Variants in SLC35F3 observed in about 807,000 individuals in gnomAD.
SLC35F3 encodes the protein putative thiamine transporter SLC35F3.
Under a neutral mutation model 49.9 loss-of-function variants are expected in SLC35F3, and 25 were observed. The ratio of observed to expected loss-of-function variants is 0.50; its 90% CI spans 0.37 to 0.70. The LOEUF (loss-of-function observed/expected upper bound fraction) is 0.70. Among genes scored for constraint, SLC35F3 ranks in the 30% least tolerant of loss-of-function variants. The probability of loss-of-function intolerance (pLI) is 0.00; values close to 1 mark genes in which losing one functional copy is unlikely to be tolerated. For synonymous variants in SLC35F3, 275 were observed against 265.4 expected, an observed-to-expected ratio of 1.04 and a Z score of -0.35; for missense variants, 525 against 639.8, an observed-to-expected ratio of 0.82 and a Z score of 1.94.
chr1:234,194,757 G>A (rs549682764), intron 2 of SLC35F3, among the ~76,000 whole-genome samples: 1 of 152,160 alleles, frequency 6.6e-6, no homozygotes, highest in South Asian at 2.1e-4. Flanking sequence ...AGTGATATTG[G>A]AGGAGGTGAT....
At chr1:234,157,648 C>T (rs1363670923) in intron 2 of SLC35F3, among the ~76,000 whole-genome samples, 1 of 152,164 alleles carries the variant, frequency 6.6e-6, no homozygotes, top group African/African-American at 2.4e-5. Flanking sequence ...TGGCGGGGCC[C>T]ATTTCCTTTG....
chr1:234,171,762 T>G (rs745768992), intron 2 of SLC35F3, among the ~76,000 whole-genome samples: 1 of 152,166 alleles, frequency 6.6e-6, no homozygotes, highest in African/African-American at 2.4e-5. Context: ...TCTATATTAC[T>G]GTAGAATAAC....
At chr1:233,924,195 AT>A (rs1251560230) in intron 2 of SLC35F3, among the ~76,000 whole-genome samples, 1 of 152,028 alleles carries the variant, frequency 6.6e-6, no homozygotes, top group Non-Finnish European at 1.5e-5. Flanking sequence ...TTTTCTGTTG[AT>A]TGGAATAGTT....
In SLC35F3 at chr1:234,106,566, G is replaced by C. The variant is rs553544932; in HGVS notation, c.284-124851G>C. ...CCATGCACACACAGAGCCAGCTCTA[G>C]TGTCTTCCTCTTTTTATAAGAACAC... On this transcript the variant is annotated intron_variant, in intron 2 of 7. Transcript: ENST00000366618. Among the ~76,000 whole-genome samples the C allele has an allele frequency of 8.7e-4, 132 of 152,338 alleles. 4 individuals are homozygous for C. In the South Asian group the frequency reaches 0.027, roughly 32 times the overall value.
intron 2 of SLC35F3, among the ~76,000 whole-genome samples, chr1:234,014,786 G>A (rs563848508): frequency 1.3e-5 from 2 of 152,220 alleles, no homozygotes; most frequent in East Asian, 1.9e-4. Flanking sequence ...TGAAAGATCT[G>A]TACGTTGAAA....
At chr1:234,060,160 G>T (rs1326630171) in intron 2 of SLC35F3, among the ~76,000 whole-genome samples, 1 of 152,170 alleles carries the variant, frequency 6.6e-6, no homozygotes, top group Non-Finnish European at 1.5e-5. Flanking sequence ...CTAGCTTGTG[G>T]TCTGTCCTGG....
chr1:233,920,839 A>C (rs988668711), intron 2 of SLC35F3, among the ~76,000 whole-genome samples: 3 of 151,578 alleles, frequency 2.0e-5, no homozygotes, highest in African/African-American at 7.4e-5. Flanking sequence ...CCTCTGACCA[A>C]GAGCCAGCAA....
intron 2 of SLC35F3, among the ~76,000 whole-genome samples, chr1:234,196,170 A>T (rs958157437): frequency 6.6e-6 from 1 of 152,168 alleles, no homozygotes; most frequent in Non-Finnish European, 1.5e-5. Context: ...ATGTTAATTT[A>T]CCATTGCCAT....
chr1:234,147,498 G>T (rs1447285767), intron 2 of SLC35F3, among the ~76,000 whole-genome samples: 3 of 151,970 alleles, frequency 2.0e-5, no homozygotes, highest in African/African-American at 7.3e-5. Context: ...TAATATCTCT[G>T]CTTTGGATGG....
chr1:234,245,065 C>T (rs1473489118), intron 3 of SLC35F3, among the ~76,000 whole-genome samples: 3 of 152,114 alleles, frequency 2.0e-5, no homozygotes, highest in Non-Finnish European at 4.4e-5. Flanking sequence ...CTCTTTTCTT[C>T]TATCTAACTG....
At chr1:234,101,918 G>A (rs771331350) in intron 2 of SLC35F3, among the ~76,000 whole-genome samples, 43 of 152,206 alleles carry the variant, frequency 2.8e-4, no homozygotes, top group Non-Finnish European at 5.4e-4. Flanking sequence ...TAGGCCACAG[G>A]CATGTTCTGC....
At chr1:234,226,926 G>T (rs958798466) in intron 2 of SLC35F3, among the ~76,000 whole-genome samples, 2 of 150,824 alleles carry the variant, frequency 1.3e-5, no homozygotes, top group Non-Finnish European at 2.9e-5. Context: ...GTGCACAAAA[G>T]AACACTCCCC....
intron 3 of SLC35F3, among the ~76,000 whole-genome samples, chr1:234,275,460 C>A (rs990784728): frequency 6.6e-6 from 1 of 152,106 alleles, no homozygotes; most frequent in Non-Finnish European, 1.5e-5. Context: ...TTTTATGTCA[C>A]CCCTAGTTAA....
At chr1:234,062,874 A>G (rs1322142184) in intron 2 of SLC35F3, among the ~76,000 whole-genome samples, 1 of 139,408 alleles carries the variant, frequency 7.2e-6, no homozygotes, top group South Asian at 2.3e-4. Context: ...TATTTTTAGT[A>G]GAGACGTGGT....
chr1:234,315,269 A>C (rs1558108241), intron 4 of SLC35F3, among the ~76,000 whole-genome samples: 1 of 152,244 alleles, frequency 6.6e-6, no homozygotes, highest in South Asian at 2.1e-4. Context: ...GGTATAACCT[A>C]AGAGAAGTAC....
At chr1:234,310,761 G>A (rs1657333227) in intron 4 of SLC35F3, among the ~76,000 whole-genome samples, 1 of 152,218 alleles carries the variant, frequency 6.6e-6, no homozygotes, top group Non-Finnish European at 1.5e-5. Flanking sequence ...GGGAAGAGAA[G>A]CTTCAAGGTT....
At chr1:234,277,920 G>A (rs140286681) in intron 3 of SLC35F3, among the ~76,000 whole-genome samples, 44 of 152,350 alleles carry the variant, frequency 2.9e-4, no homozygotes, top group African/African-American at 8.7e-4. Context: ...ACAGCTGGGC[G>A]CGGTGGCTCA....
intron 2 of SLC35F3, among the ~76,000 whole-genome samples, chr1:233,912,145 A>C (rs1204760799): frequency 1.3e-5 from 2 of 152,176 alleles, no homozygotes; most frequent in Non-Finnish European, 2.9e-5. Context: ...AATAGAATTC[A>C]CATCCCAGCT....
chr1:234,236,923 AATTATATATAT>A (rs1287904075), intron 3 of SLC35F3, among the ~76,000 whole-genome samples: 2 of 39,956 alleles, frequency 5.0e-5, no homozygotes, highest in African/African-American at 2.0e-4. Flanking sequence ...TTAAAAAAAA[AATTATATATAT>A]ATATATATAT....
Sources: gnomAD v4.1 joint callset for allele counts (sites outside exome capture counted in the v4.1 genomes callset) on GRCh38, gnomAD v4.1.1 for gene constraint, MANE v1.5 for transcripts, NCBI Gene and HGNC (gene_info 2026-07-23, HGNC 2026-07-21) for gene names.